The following SORCS3 variants were observed in gnomAD, a reference collection of about 807,000 sequenced individuals.
SORCS3 encodes the protein VPS10 domain-containing receptor SorCS3.
Under a neutral mutation model 146.3 loss-of-function variants are expected in SORCS3, and 57 were observed. That is an observed-to-expected ratio of 0.39 (90% confidence interval 0.31 to 0.49). The LOEUF (loss-of-function observed/expected upper bound fraction) is 0.49, where lower values mean the gene tolerates loss of function less well. Among genes scored for constraint, SORCS3 ranks in the 20% least tolerant of loss-of-function variants. SORCS3 has a pLI of 0.92. For missense variants in SORCS3, 1,341 were observed against 1,575.5 expected (o/e 0.85, Z 2.52); for synonymous variants, 653 against 618.5 (o/e 1.06, Z -0.83).
intron 2 of SORCS3, among the ~76,000 whole-genome samples, chr10:104,866,023 A>T (rs2018455640): frequency 6.6e-6 from 1 of 152,214 alleles, no homozygotes. Flanking sequence ...ATTGGAAAAG[A>T]AAAGGAGAGA....
intron 5 of SORCS3, among the ~76,000 whole-genome samples, chr10:105,075,117 C>T (rs1463217605): frequency 3.9e-5 from 6 of 152,164 alleles, no homozygotes; most frequent in African/African-American, 1.4e-4. Context: ...CCCCGAATTC[C>T]TCCAGCACTT....
intron 7 of SORCS3, among the ~76,000 whole-genome samples, chr10:105,115,544 T>C (rs557893761): frequency 3.9e-5 from 6 of 152,322 alleles, no homozygotes; most frequent in Non-Finnish European, 7.3e-5. Flanking sequence ...ATAGCTTCCA[T>C]GGTGTTGGTT....
At chr10:104,990,686 A>G (rs1217818053) in intron 4 of SORCS3, among the ~76,000 whole-genome samples, 1 of 152,130 alleles carries the variant, frequency 6.6e-6, no homozygotes, top group African/African-American at 2.4e-5. Context: ...ATCTTGAGGG[A>G]CCCAATATAG....
intron 1 of SORCS3, among the ~76,000 whole-genome samples, chr10:104,699,536 A>T (rs1213737204): frequency 6.6e-6 from 1 of 152,146 alleles, no homozygotes; most frequent in African/African-American, 2.4e-5. Flanking sequence ...AATGAGTAGA[A>T]GATGAATGGC....
intron 6 of SORCS3, among the ~76,000 whole-genome samples, chr10:105,103,638 A>G (rs953547076): frequency 2.0e-5 from 3 of 152,210 alleles, no homozygotes; most frequent in African/African-American, 7.2e-5. Context: ...TGGGAACCAA[A>G]TGGGATGCAG....
At chr10:104,822,562 T>G (rs1378805454) in intron 1 of SORCS3, among the ~76,000 whole-genome samples, 1 of 152,182 alleles carries the variant, frequency 6.6e-6, no homozygotes, top group East Asian at 1.9e-4. Context: ...TCTCAGGAGT[T>G]ATGTGGAGAC....
At chr10:104,784,238 A>C (rs571246881) in intron 1 of SORCS3, among the ~76,000 whole-genome samples, 1 of 152,262 alleles carries the variant, frequency 6.6e-6, no homozygotes, top group African/African-American at 2.4e-5. Flanking sequence ...GACTTTTGGC[A>C]AAGTCTGGAG....
At chr10:104,855,647 G>T (rs2133556367) in intron 2 of SORCS3, among the ~76,000 whole-genome samples, 1 of 152,228 alleles carries the variant, frequency 6.6e-6, no homozygotes, top group East Asian at 1.9e-4. Flanking sequence ...AAAATGAAAT[G>T]GGATTGTCTT....
At chr10:105,002,073 G>A (rs911513891) in intron 4 of SORCS3, among the ~76,000 whole-genome samples, 1 of 152,130 alleles carries the variant, frequency 6.6e-6, no homozygotes, top group Non-Finnish European at 1.5e-5. Context: ...AGATCAATAG[G>A]TTTCAAATTA....
chr10:104,698,749 G>T (rs2016246654), intron 1 of SORCS3, among the ~76,000 whole-genome samples: 1 of 152,176 alleles, frequency 6.6e-6, no homozygotes, highest in Non-Finnish European at 1.5e-5. Flanking sequence ...GGCTGGCATT[G>T]TAGTTGGGGA....
chr10:104,686,840 T>C (rs986704827), intron 1 of SORCS3, among the ~76,000 whole-genome samples: 1 of 152,154 alleles, frequency 6.6e-6, no homozygotes, highest in African/African-American at 2.4e-5. Flanking sequence ...CATGTATCCA[T>C]TCATTCATCC....
intron 4 of SORCS3, among the ~76,000 whole-genome samples, chr10:105,032,358 A>C (rs1298470900): frequency 2.0e-5 from 3 of 152,182 alleles, no homozygotes; most frequent in Admixed American, 1.3e-4. Flanking sequence ...GGAAATCACC[A>C]TCAGTATGTA....
chr10:105,189,547 T>A (rs1349291561), intron 14 of SORCS3, among the ~76,000 whole-genome samples: 1 of 152,182 alleles, frequency 6.6e-6, no homozygotes, highest in Non-Finnish European at 1.5e-5. Flanking sequence ...CTGAAGCCTT[T>A]CCTAGTTAAC....
chr10:104,752,611 G>A (rs1427562904), intron 1 of SORCS3, among the ~76,000 whole-genome samples: 1 of 152,178 alleles, frequency 6.6e-6, no homozygotes, highest in African/African-American at 2.4e-5. Context: ...GACGATCTTA[G>A]GGATGTTAGG....
chr10:105,052,911 T>G (rs1192020592), intron 5 of SORCS3, among the ~76,000 whole-genome samples: 1 of 152,124 alleles, frequency 6.6e-6, no homozygotes, highest in Middle Eastern at 3.2e-3. Context: ...TCTGGGGCTG[T>G]GCATTAGTCA....
At chr10:105,044,395 G>A (rs1233054635) in intron 5 of SORCS3, among the ~76,000 whole-genome samples, 1 of 151,998 alleles carries the variant, frequency 6.6e-6, no homozygotes. Flanking sequence ...GTGACAGAGC[G>A]AGACTCTGTC....
At chr10:104,799,722 C>T (rs1589503812) in intron 1 of SORCS3, among the ~76,000 whole-genome samples, 1 of 152,008 alleles carries the variant, frequency 6.6e-6, no homozygotes, top group East Asian at 1.9e-4. Context: ...GTTGCCCAGG[C>T]TGGAGTGCAG....
intron 7 of SORCS3, among the ~76,000 whole-genome samples, chr10:105,134,480 G>A (rs896899537): frequency 6.6e-6 from 1 of 151,644 alleles, no homozygotes; most frequent in Non-Finnish European, 1.5e-5. Flanking sequence ...TCTAGTGAAG[G>A]CCCGGTGTCT....
intron 8 of SORCS3, 50 bp from the exon 9 acceptor site, chr10:105,147,567 C>A: frequency 6.6e-7 from 1 of 1,507,814 alleles, no homozygotes; most frequent in Non-Finnish European, 9.0e-7. Flanking sequence ...TCCCAATGGG[C>A]AGAGAGATAT....
Sources: allele counts gnomAD v4.1 joint callset (sites outside exome capture counted in the v4.1 genomes callset), GRCh38; gene constraint gnomAD v4.1.1; transcripts MANE v1.5; gene names NCBI Gene and HGNC (gene_info 2026-07-23, HGNC 2026-07-21).